The following TBL1XR1 variants were observed in gnomAD, a reference collection of about 807,000 sequenced individuals.
TBL1XR1 encodes TBL1X/Y related 1.
In TBL1XR1, 5 loss-of-function variants were observed where a neutral mutation model predicts 66.9. The observed-to-expected ratio is 0.07, with a 90% CI of 0.04 to 0.16. TBL1XR1 has a LOEUF of 0.16. Ranked by LOEUF, TBL1XR1 falls within the 10% of genes least tolerant of loss-of-function variation. TBL1XR1 has a pLI of 1.00. For synonymous variants in TBL1XR1, 210 were observed against 206.0 expected, an observed-to-expected ratio of 1.02 and a Z score of -0.17; for missense variants, 238 against 623.2, an observed-to-expected ratio of 0.38 and a Z score of 6.58.
chr3:177,070,263 T>C (rs1277824750), intron 2 of TBL1XR1, among the ~76,000 whole-genome samples: 3 of 152,188 alleles, frequency 2.0e-5, no homozygotes, highest in Non-Finnish European at 4.4e-5. Context: ...AGACATTGAC[T>C]TCAACTTCCT....
At chr3:177,176,819 GA>G (rs1392618251) in intron 1 of TBL1XR1, among the ~76,000 whole-genome samples, 3 of 151,662 alleles carry the variant, frequency 2.0e-5, no homozygotes, top group Non-Finnish European at 4.4e-5. Context: ...TCTCAAAAAA[GA>G]AATTTAAAAA....
chr3:177,076,341 G>A (rs1720700147), intron 2 of TBL1XR1, among the ~76,000 whole-genome samples: 2 of 152,182 alleles, frequency 1.3e-5, no homozygotes, highest in African/African-American at 2.4e-5. Context: ...ACTTTGCCAT[G>A]TTCTCCCTGT....
intron 2 of TBL1XR1, among the ~76,000 whole-genome samples, chr3:177,074,686 C>T (rs536229856): frequency 1.3e-5 from 2 of 152,284 alleles, no homozygotes; most frequent in South Asian, 2.1e-4. Context: ...CAACCCTCAC[C>T]GCCACCAAGT....
intron 2 of TBL1XR1, among the ~76,000 whole-genome samples, chr3:177,096,583 G>A (rs1022173511): frequency 6.6e-6 from 1 of 152,130 alleles, no homozygotes; most frequent in African/African-American, 2.4e-5. Flanking sequence ...CAAGGGAGAC[G>A]TGCCACAAAT....
At chr3:177,048,558 A>G (rs1393058390) in intron 7 of TBL1XR1, among the ~76,000 whole-genome samples, 1 of 152,184 alleles carries the variant, frequency 6.6e-6, no homozygotes, top group African/African-American at 2.4e-5. Context: ...CTCAAGAAGA[A>G]GGGGAGCCAT....
At chr3:177,136,254 A>G (rs1467565369) in intron 1 of TBL1XR1, 2 of 152,206 alleles carry the variant, frequency 1.3e-5, no homozygotes, top group Admixed American at 6.5e-5. Flanking sequence ...AGCCATAGAC[A>G]AAAGCACTGT....
chr3:177,134,365 T>C (rs770570715), intron 1 of TBL1XR1, among the ~76,000 whole-genome samples: 4 of 152,108 alleles, frequency 2.6e-5, no homozygotes, highest in Non-Finnish European at 4.4e-5. Context: ...GCCTGGTCTA[T>C]TGGGAGCAGA....
chr3:177,086,824 A>G (rs1262253600), intron 2 of TBL1XR1: 1 of 152,002 alleles, frequency 6.6e-6, no homozygotes, highest in Non-Finnish European at 1.5e-5. Context: ...CTAACTACTA[A>G]CAACCTAGTT....
intron 13 of TBL1XR1, among the ~76,000 whole-genome samples, chr3:177,033,892 A>G (rs879669010): frequency 1.3e-5 from 2 of 152,136 alleles, no homozygotes; most frequent in African/African-American, 2.4e-5. Context: ...ACACAAAGGT[A>G]TAAGAATGAT....
At position 177,021,025 on chromosome 3, in the gene TBL1XR1, T is replaced by C. The variant is rs1280180054; in HGVS notation, c.*4473A>G. 1 of 152,152 alleles carries C rather than the reference T, an allele frequency of 6.6e-6. No homozygotes were observed. The highest frequency in any genetic ancestry group is 1.9e-4 in the East Asian group (1 of 5,200). 9.4% of individuals were successfully genotyped at this position (152,152 alleles called of 1,614,324 possible). Reference sequence around the variant, plus strand: ...AACTGAACAATGAAGTTCTTTAACATGTACAAAAACCTGTCATGGGCTGGT... The same window carrying C: ...AACTGAACAATGAAGTTCTTTAACACGTACAAAAACCTGTCATGGGCTGGT... On this transcript the variant is annotated 3_prime_UTR_variant, in exon 16 of 16. Transcript: ENST00000457928.
chr3:177,174,590 C>CAGT (rs1223437911), intron 1 of TBL1XR1, among the ~76,000 whole-genome samples: 2 of 152,054 alleles, frequency 1.3e-5, no homozygotes, highest in African/African-American at 2.4e-5. Context: ...AAAAGAGGAG[C>CAGT]AGTAGCAAGC....
At chr3:177,191,313 A>G (rs1736113835) in intron 1 of TBL1XR1, among the ~76,000 whole-genome samples, 1 of 152,226 alleles carries the variant, frequency 6.6e-6, no homozygotes, top group South Asian at 2.1e-4. Flanking sequence ...TGAATAAGAA[A>G]GGTTGCTCAG....
chr3:177,064,623 T>C (rs941542124), intron 3 of TBL1XR1, among the ~76,000 whole-genome samples: 1 of 152,226 alleles, frequency 6.6e-6, no homozygotes, highest in Non-Finnish European at 1.5e-5. Context: ...TGATGGTGGC[T>C]AAAAGTTTTT....
chr3:177,056,008 A>T (rs1717756656), intron 3 of TBL1XR1, among the ~76,000 whole-genome samples: 1 of 152,214 alleles, frequency 6.6e-6, no homozygotes, highest in Non-Finnish European at 1.5e-5. Context: ...AACAGTTAAA[A>T]TATGGTCAAG....
At chr3:177,038,637 T>G (rs1715143925) in intron 10 of TBL1XR1, among the ~76,000 whole-genome samples, 2 of 152,232 alleles carry the variant, frequency 1.3e-5, no homozygotes, top group Non-Finnish European at 1.5e-5. Context: ...TAGTTATTTC[T>G]AGGTGAGACA....
At chr3:177,075,037 G>GCTA (rs1237706333) in intron 2 of TBL1XR1, among the ~76,000 whole-genome samples, 1 of 152,122 alleles carries the variant, frequency 6.6e-6, no homozygotes, top group Admixed American at 6.5e-5. Flanking sequence ...GTTTCCCAGC[G>GCTA]CTACTGTGAT....
rs139313874 is a variant in TBL1XR1, at chr3:177,136,947, A to T, written c.-121-38406T>A. Among the ~76,000 whole-genome samples the T allele has an allele frequency of 2.4e-3, 358 of 152,330 alleles. 2 individuals carry two copies. The highest frequency in any genetic ancestry group is 8.5e-3 in the African/African-American group (352 of 41,570). ...ATGAGTGATTAGATAAATATCCTCCAATATATACGGTCTCTCAAAAAAGAT... is the reference window on the plus strand; with the variant it reads ...ATGAGTGATTAGATAAATATCCTCCTATATATACGGTCTCTCAAAAAAGAT... On this transcript the variant is annotated intron_variant, in intron 1 of 15. Coordinates refer to ENST00000457928, the MANE Select transcript of TBL1XR1 (RefSeq NM_024665.7).
At chr3:177,105,626 C>G (rs544591931) in intron 1 of TBL1XR1, among the ~76,000 whole-genome samples, 2 of 152,330 alleles carry the variant, frequency 1.3e-5, no homozygotes, top group African/African-American at 4.8e-5. Context: ...ATGAGAATGG[C>G]TCTGCCAAGA....
chr3:177,093,441 T>C (rs1331683959), intron 2 of TBL1XR1, among the ~76,000 whole-genome samples: 1 of 152,022 alleles, frequency 6.6e-6, no homozygotes, highest in Non-Finnish European at 1.5e-5. Flanking sequence ...ATCAAAATAC[T>C]ACATCATTCT....
Sources: gnomAD v4.1 joint callset for allele counts (sites outside exome capture counted in the v4.1 genomes callset) on GRCh38, gnomAD v4.1.1 for gene constraint, MANE v1.5 for transcripts, NCBI Gene and HGNC (gene_info 2026-07-23, HGNC 2026-07-21) for gene names.